NOC3L: variants seen among roughly 807,000 people sequenced by gnomAD.
NOC3L encodes the protein nucleolar complex protein 3 homolog.
In NOC3L, 85 loss-of-function variants were observed where a neutral mutation model predicts 102.5. The ratio of observed to expected loss-of-function variants is 0.83; its 90% CI spans 0.70 to 0.99. NOC3L has a LOEUF of 0.99. NOC3L is among the 50% of genes least tolerant of loss of function. NOC3L has a pLI of 0.00. For missense variants in NOC3L, 878 were observed against 914.9 expected (o/e 0.96, Z 0.52); for synonymous variants, 303 against 309.4 (o/e 0.98, Z 0.22).
downstream of NOC3L, chr10:94,329,239 TAA>T (rs2054128043): frequency 6.6e-6 from 1 of 152,234 alleles, no homozygotes. Context: ...ACAAAACCAT[TAA>T]GTGTAAAGGA....
chr10:94,352,594 G>A (rs2054433060), intron 7 of NOC3L, among the ~76,000 whole-genome samples, 191 bp from the exon 8 acceptor site: 1 of 152,138 alleles, frequency 6.6e-6, no homozygotes, highest in Admixed American at 6.5e-5. Context: ...GGCAGAGGCG[G>A]GTAGATCACC....
At chr10:94,356,147 T>G (rs2054480504) in intron 5 of NOC3L, among the ~76,000 whole-genome samples, 1 of 152,318 alleles carries the variant, frequency 6.6e-6, no homozygotes, top group African/African-American at 2.4e-5. Flanking sequence ...CATATGCAAG[T>G]ATAATTGTGC....
At chr10:94,330,983 A>G (rs767613712), downstream of NOC3L, 1 of 152,228 alleles carries the variant, frequency 6.6e-6, no homozygotes, top group Non-Finnish European at 1.5e-5. Context: ...AAGAAGCATC[A>G]CTGAAAGTGA....
At chr10:94,344,167 C>A (rs1434308401) in intron 13 of NOC3L, among the ~76,000 whole-genome samples, 2 of 152,038 alleles carry the variant, frequency 1.3e-5, no homozygotes, top group African/African-American at 4.8e-5. Context: ...AGAGATTTAA[C>A]CTTAGGAACA....
downstream of NOC3L, chr10:94,328,709 T>G (rs985184118): frequency 2.6e-5 from 4 of 152,230 alleles, no homozygotes; most frequent in African/African-American, 9.6e-5. Flanking sequence ...AAAATTCAAT[T>G]TAGTTCCTGT....
At chr10:94,349,433 C>A (rs564376090) in intron 9 of NOC3L, 55 bp from the exon 10 acceptor site, 3 of 1,490,204 alleles carry the variant, frequency 2.0e-6, no homozygotes, top group Non-Finnish European at 2.7e-6. Flanking sequence ...GCACTACTGA[C>A]GTTTTGGGTA....
chr10:94,354,032 T>G (rs1466117439), intron 6 of NOC3L, among the ~76,000 whole-genome samples: 1 of 152,200 alleles, frequency 6.6e-6, no homozygotes, highest in Non-Finnish European at 1.5e-5. Flanking sequence ...GGCTCAATTT[T>G]CCAGCTGTAA....
At chr10:94,343,266 C>T (rs539456422) in intron 13 of NOC3L, among the ~76,000 whole-genome samples, 210 of 152,148 alleles carry the variant, frequency 1.4e-3, no homozygotes, top group Middle Eastern at 0.014. Flanking sequence ...ATAGCTGGGT[C>T]GAGCATGGTG....
the NOC3L span, among the ~76,000 whole-genome samples, chr10:94,320,469 A>C: frequency 6.6e-6 from 1 of 152,204 alleles, no homozygotes; most frequent in Non-Finnish European, 1.5e-5. Flanking sequence ...TTTTGGCGCC[A>C]CCTGGTGGCA....
At chr10:94,350,450 C>T (rs2054401231) in intron 8 of NOC3L, among the ~76,000 whole-genome samples, 162 bp from the exon 9 acceptor site, 1 of 152,016 alleles carries the variant, frequency 6.6e-6, no homozygotes, top group Non-Finnish European at 1.5e-5. Flanking sequence ...GTGGCTCACA[C>T]CTGTAATCCC....
chr10:94,349,278 T>A lies in NOC3L; in HGVS notation c.1229A>T (p.Lys410Met). Residue 410 changes from lysine to methionine, a missense_variant, in exon 10 of 21, where the codon AAG (lysine) becomes ATG (methionine). By Grantham distance (95) the Lys-to-Met change is moderately conservative. Transcript: ENST00000371361. ...GVIKVISGFV[K>M]GRNYEVRPEM... Reference sequence around the variant, plus strand: ...TGGCCTAACTTCGTAATTTCTGCCCTTCACAAAACCAGAAATCACTTTAAT... The same window carrying A: ...TGGCCTAACTTCGTAATTTCTGCCCATCACAAAACCAGAAATCACTTTAAT... 6.3e-7 allele frequency: 1 copy of A among 1,580,396 alleles called. No individual in the cohort carries two copies. Among genetic ancestry groups the A allele is most frequent in the Admixed American group, 2.0e-5 (1 of 49,606 alleles).
At chr10:94,316,716 A>G in the NOC3L span, 2 of 1,614,054 alleles carry the variant, frequency 1.2e-6, no homozygotes, top group Non-Finnish European at 1.7e-6. Context: ...TTTCCAGAAG[A>G]GGGATACATG....
chr10:94,356,202 A>G (rs1202562077), intron 5 of NOC3L, among the ~76,000 whole-genome samples: 1 of 152,230 alleles, frequency 6.6e-6, no homozygotes, highest in Admixed American at 6.5e-5. Flanking sequence ...TCGCTTTTGT[A>G]ATTTAAAGCT....
chr10:94,322,525 C>T, the NOC3L span, among the ~76,000 whole-genome samples: 1 of 152,166 alleles, frequency 6.6e-6, no homozygotes, highest in Non-Finnish European at 1.5e-5. Flanking sequence ...GGGTTCACGC[C>T]TGTAATCCCA....
intron 20 of NOC3L, 104 bp downstream of exon 20, chr10:94,334,530 A>T: frequency 2.8e-6 from 2 of 717,882 alleles, no homozygotes; most frequent in Non-Finnish European, 4.4e-6. Flanking sequence ...CCTAAACATT[A>T]AAAAAAAAAC....
In NOC3L at chr10:94,334,329, G is replaced by T. The variant is rs2054192654; in HGVS notation, c.2275-24C>A. 8 of 1,480,208 alleles carry T rather than the reference G, an allele frequency of 5.4e-6. No homozygotes were observed. The East Asian group carries it at 1.8e-4, about 33-fold the overall frequency. The allele number at this position is 1,480,208 out of a possible 1,614,324, so 91.7% of individuals were successfully genotyped here. On this transcript the variant is annotated intron_variant, in intron 20 of 20. Coordinates refer to ENST00000371361, the MANE Select transcript of NOC3L (RefSeq NM_022451.11). ...CCCTAGGAAAATATTTAAAGTATGA[G>T]TTAGAAGTTACTTATGCTATAAGCT...
chr10:94,334,336 G>A (rs763532610), intron 20 of NOC3L, 31 bp from the exon 21 acceptor site: 1 of 1,440,554 alleles, frequency 6.9e-7, no homozygotes, highest in Non-Finnish European at 9.7e-7. Context: ...TGAGTTAGAA[G>A]TTACTTATGC....
chr10:94,338,573 A>T (rs751554756), intron 18 of NOC3L, 35 bp downstream of exon 18: 2 of 1,460,574 alleles, frequency 1.4e-6, no homozygotes, highest in Admixed American at 2.3e-5. Flanking sequence ...ATTCACAAAC[A>T]TCCCCAAAAA....
chr10:94,354,367 T>C (rs574711665), intron 6 of NOC3L, among the ~76,000 whole-genome samples: 7 of 152,312 alleles, frequency 4.6e-5, no homozygotes, highest in Non-Finnish European at 5.9e-5. Flanking sequence ...GACACTGTCC[T>C]TTTTTAGAGA....
Sources: gnomAD v4.1 joint callset for allele counts (sites outside exome capture counted in the v4.1 genomes callset) on GRCh38, gnomAD v4.1.1 for gene constraint, MANE v1.5 for transcripts, NCBI Gene and HGNC (gene_info 2026-07-23, HGNC 2026-07-21) for gene names.